The following KCND2 variants were observed in gnomAD, a reference collection of about 807,000 sequenced individuals.
KCND2 encodes potassium voltage-gated channel subfamily D member 2.
A neutral mutation model predicts 54.4 loss-of-function variants in KCND2; 16 were observed. That is an observed-to-expected ratio of 0.29 (90% CI 0.20 to 0.45). The LOEUF is 0.45. KCND2 is among the 20% of genes least tolerant of loss of function. The pLI, the probability that KCND2 is intolerant of heterozygous loss-of-function variation, is 1.00. For synonymous variants in KCND2, 317 were observed against 310.7 expected, an observed-to-expected ratio of 1.02 and a Z score of -0.21; for missense variants, 486 against 824.2, an observed-to-expected ratio of 0.59 and a Z score of 5.02.
At chr7:120,491,948 T>A (rs2116301592) in intron 1 of KCND2, among the ~76,000 whole-genome samples, 1 of 152,282 alleles carries the variant, frequency 6.6e-6, no homozygotes, top group African/African-American at 2.4e-5. Context: ...CCATTTAATT[T>A]AAATCTAATC....
intron 1 of KCND2, among the ~76,000 whole-genome samples, chr7:120,360,511 G>A (rs1472724617): frequency 2.0e-5 from 3 of 151,934 alleles, no homozygotes; most frequent in African/African-American, 4.8e-5. Context: ...AAATTTAACA[G>A]GATATACTTA....
intron 1 of KCND2, among the ~76,000 whole-genome samples, chr7:120,455,936 C>A (rs1033443287): frequency 1.3e-5 from 2 of 152,086 alleles, no homozygotes; most frequent in African/African-American, 4.8e-5. Flanking sequence ...ATATAACAAA[C>A]CTACACATAT....
At chr7:120,601,469 G>T (rs951800029) in intron 1 of KCND2, among the ~76,000 whole-genome samples, 6 of 151,642 alleles carry the variant, frequency 4.0e-5, no homozygotes, top group African/African-American at 1.2e-4. Context: ...TAAGTAAGGC[G>T]TTTTTTTTGT....
At chr7:120,520,885 A>G (rs1273122829) in intron 1 of KCND2, among the ~76,000 whole-genome samples, 2 of 152,154 alleles carry the variant, frequency 1.3e-5, no homozygotes, top group South Asian at 2.1e-4. Flanking sequence ...TAGTGATTCA[A>G]GAACCCAGAT....
Position 120,663,159 on chromosome 7 carries a change from T to C in KCND2, c.1116-69744T>C, listed in dbSNP as rs551772209. ...AACGTAATTTAATTTCTTCCTCTTA[T>C]GCGTTCTTGAAGCATTTTCTTAGTA... On this transcript the variant is annotated intron_variant, in intron 1 of 5. Coordinates refer to ENST00000331113, the MANE Select transcript of KCND2 (RefSeq NM_012281.3). Among the ~76,000 whole-genome samples, 8 of 152,316 alleles carry C rather than the reference T, an allele frequency of 5.3e-5. 1 individual carries two copies. In the South Asian group the frequency reaches 1.7e-3, roughly 32 times the overall value.
At chr7:120,540,956 G>T (rs1297592310) in intron 1 of KCND2, among the ~76,000 whole-genome samples, 2 of 152,058 alleles carry the variant, frequency 1.3e-5, no homozygotes, top group African/African-American at 4.8e-5. Flanking sequence ...ATTTTTAAAT[G>T]TCTTTTCAAT....
At chr7:120,691,020 G>A (rs1249490066) in intron 1 of KCND2, among the ~76,000 whole-genome samples, 2 of 152,156 alleles carry the variant, frequency 1.3e-5, no homozygotes, top group African/African-American at 4.8e-5. Flanking sequence ...CTTAAAAGTA[G>A]GGAAAGAGAA....
chr7:120,729,862 C>T (rs1053486337), intron 1 of KCND2, among the ~76,000 whole-genome samples: 2 of 150,262 alleles, frequency 1.3e-5, no homozygotes, highest in Non-Finnish European at 3.0e-5. Flanking sequence ...CTTTATGACA[C>T]GAAGCTTATG....
chr7:120,491,267 T>C (rs755406735), intron 1 of KCND2, among the ~76,000 whole-genome samples: 1 of 152,142 alleles, frequency 6.6e-6, no homozygotes, highest in Admixed American at 6.6e-5. Flanking sequence ...TAAGTCCATA[T>C]TCCCTAAAAT....
At chr7:120,279,865 A>G (rs899367712) in intron 1 of KCND2, among the ~76,000 whole-genome samples, 1 of 151,886 alleles carries the variant, frequency 6.6e-6, no homozygotes, top group East Asian at 1.9e-4. Context: ...AAAGAGAAGG[A>G]TAAACTTTTA....
intron 1 of KCND2, among the ~76,000 whole-genome samples, chr7:120,312,488 A>G (rs541096623): frequency 1.3e-5 from 2 of 152,288 alleles, no homozygotes; most frequent in South Asian, 4.1e-4. Context: ...TCAGAATTGG[A>G]AAGTATTTAC....
intron 1 of KCND2, among the ~76,000 whole-genome samples, chr7:120,352,519 A>G (rs1260819537): frequency 6.6e-6 from 1 of 151,286 alleles, no homozygotes; most frequent in Non-Finnish European, 1.5e-5. Context: ...AACATTGCAT[A>G]TATTTTCATG....
In KCND2 at chr7:120,690,432, C is replaced by T. The variant is rs543159242; in HGVS notation, c.1116-42471C>T. On this transcript the variant is annotated intron_variant, in intron 1 of 5. Coordinates refer to ENST00000331113, the MANE Select transcript of KCND2 (RefSeq NM_012281.3). Reference sequence around the variant, plus strand: ...TTAATTATTTCCAAATATCACCAAACGAGTGGCATCAGGGCAGAGAGGAGA... The same window carrying T: ...TTAATTATTTCCAAATATCACCAAATGAGTGGCATCAGGGCAGAGAGGAGA... Among the ~76,000 whole-genome samples the T allele has an allele frequency of 5.8e-4, 88 of 152,302 alleles. 1 individual carries two copies. The highest frequency in any genetic ancestry group is 6.5e-4 in the Admixed American group (10 of 15,298).
intron 1 of KCND2, among the ~76,000 whole-genome samples, chr7:120,462,152 C>G (rs1163295269): frequency 6.9e-6 from 1 of 145,372 alleles, no homozygotes; most frequent in Non-Finnish European, 1.5e-5. Flanking sequence ...GTGTTATTTC[C>G]TTAGCACACT....
At chr7:120,608,390 C>T (rs1191195739) in intron 1 of KCND2, among the ~76,000 whole-genome samples, 1 of 152,010 alleles carries the variant, frequency 6.6e-6, no homozygotes, top group Non-Finnish European at 1.5e-5. Context: ...GAAATTACTC[C>T]AGTATCCTCA....
Position 120,591,194 on chromosome 7 carries a change from A to ATTTCTACAAATTTGGT in KCND2, c.1116-141709_1116-141708insTTTCTACAAATTTGGT, listed in dbSNP as rs1398245946. Among the ~76,000 whole-genome samples the ATTTCTACAAATTTGGT allele has an allele frequency of 7.2e-5, 11 of 152,304 alleles. No homozygotes were observed. In the East Asian group the frequency reaches 2.1e-3, roughly 29 times the overall value. On this transcript the variant is annotated intron_variant, in intron 1 of 5. Transcript: ENST00000331113. ...CCTACATAATTTGAATTAGAAATGAAACAAGTTTTTACAAATTTGGTGAAT... is the reference window on the plus strand; with the variant it reads ...CCTACATAATTTGAATTAGAAATGAATTTCTACAAATTTGGTACAAGTTTTTACAAATTTGGTGAAT...
intron 1 of KCND2, among the ~76,000 whole-genome samples, chr7:120,561,463 C>A (rs936275746): frequency 1.3e-5 from 2 of 151,990 alleles, no homozygotes; most frequent in Non-Finnish European, 2.9e-5. Flanking sequence ...TGAGGTATAA[C>A]TATTGTCATC....
intron 1 of KCND2, among the ~76,000 whole-genome samples, chr7:120,511,692 T>G (rs73721408): frequency 0.026 from 4,006 of 152,238 alleles, 171 homozygotes; most frequent in African/African-American, 0.089. Context: ...ACTTACCTTT[T>G]TCATCTTTTT....
At chr7:120,288,998 G>T (rs796832302) in intron 1 of KCND2, among the ~76,000 whole-genome samples, 10 of 151,684 alleles carry the variant, frequency 6.6e-5, no homozygotes, top group African/African-American at 2.4e-4. Context: ...GTATATATGG[G>T]GGGAGAGAGG....
Sources: gnomAD v4.1 joint callset for allele counts (sites outside exome capture counted in the v4.1 genomes callset) on GRCh38, gnomAD v4.1.1 for gene constraint, MANE v1.5 for transcripts, NCBI Gene and HGNC (gene_info 2026-07-23, HGNC 2026-07-21) for gene names.